FMN1: variants seen among roughly 807,000 people sequenced by gnomAD.
FMN1 encodes formin-1.
FMN1 carries 110 observed loss-of-function variants against 132.4 expected under a neutral mutation model. The observed-to-expected ratio is 0.83, with a 90% CI of 0.71 to 0.97. FMN1 has a LOEUF of 0.97. FMN1 is among the 50% of genes least tolerant of loss of function. The probability of loss-of-function intolerance (pLI) is 0.00; values close to 1 mark genes in which losing one functional copy is unlikely to be tolerated. For synonymous variants in FMN1, 722 were observed against 651.7 expected (o/e 1.11, Z -1.64); for missense variants, 1,792 against 1,705.3 (o/e 1.05, Z -0.90).
intron 6 of FMN1, among the ~76,000 whole-genome samples, chr15:33,020,386 G>A (rs966663362): frequency 1.4e-5 from 2 of 145,626 alleles, no homozygotes; most frequent in African/African-American, 5.0e-5. Context: ...GGTGGCTCAT[G>A]CCTGTAATCC....
At chr15:32,967,577 T>C (rs2031360773) in intron 8 of FMN1, among the ~76,000 whole-genome samples, 1 of 152,228 alleles carries the variant, frequency 6.6e-6, no homozygotes, top group Non-Finnish European at 1.5e-5. Context: ...TCATCTCACT[T>C]TTTTATGAAC....
chr15:33,117,824 A>C (rs1394272523), intron 4 of FMN1, among the ~76,000 whole-genome samples: 1 of 152,226 alleles, frequency 6.6e-6, no homozygotes, highest in Non-Finnish European at 1.5e-5. Flanking sequence ...AAGCATACTC[A>C]GGACCATGTA....
chr15:32,767,585 A>G lies in FMN1; in HGVS notation c.*6725T>C, dbSNP rs924984967. On this transcript the variant is annotated 3_prime_UTR_variant, in exon 21 of 21. Transcript: ENST00000616417. Reference sequence around the variant, plus strand: ...CTCTAAAGATTCTTAAAAATTATCCAATTTCTAATTTTAAAAGTTTCTGCC... The same window carrying G: ...CTCTAAAGATTCTTAAAAATTATCCGATTTCTAATTTTAAAAGTTTCTGCC... 6.6e-6 allele frequency: 1 copy of G among 152,180 alleles called. No individual in the cohort carries two copies. Among genetic ancestry groups the G allele is most frequent in the African/African-American group, 2.4e-5 (1 of 41,430 alleles). 9.4% of individuals were successfully genotyped at this position (152,180 alleles called of 1,614,324 possible).
At chr15:33,176,766 C>T (rs1046004250) in intron 3 of FMN1, among the ~76,000 whole-genome samples, 3 of 152,172 alleles carry the variant, frequency 2.0e-5, no homozygotes, top group Non-Finnish European at 4.4e-5. Context: ...TTATCATTTT[C>T]AGGGTCACCC....
intron 10 of FMN1, among the ~76,000 whole-genome samples, chr15:32,916,333 A>ACCATGC (rs1347883667): frequency 6.6e-6 from 1 of 152,212 alleles, no homozygotes; most frequent in African/African-American, 2.4e-5. Flanking sequence ...CTCCAAGTGT[A>ACCATGC]CCATGCCCAT....
At chr15:33,160,385 G>T (rs913983768) in intron 3 of FMN1, among the ~76,000 whole-genome samples, 1 of 152,172 alleles carries the variant, frequency 6.6e-6, no homozygotes. Context: ...TCTTCCCTGA[G>T]CAAATGAACT....
intron 9 of FMN1, among the ~76,000 whole-genome samples, chr15:32,953,323 A>G (rs192755135): frequency 4.3e-4 from 65 of 152,266 alleles, no homozygotes; most frequent in African/African-American, 1.5e-3. Context: ...TTGCTGCCCT[A>G]ATCAGATCAA....
Position 33,154,832 on chromosome 15 carries a change from T to C in FMN1, c.83A>G (p.Glu28Gly), listed in dbSNP as rs1964607698. The C allele has an allele frequency of 6.5e-7, 1 of 1,536,050 alleles. No homozygotes were observed. The highest frequency in any genetic ancestry group is 1.2e-5 in the South Asian group (1 of 84,066). The change falls in exon 4 of 21, where the codon GAA becomes GGA. Residue 28 changes from glutamate (E) to glycine (G), a missense_variant. By Grantham distance (98) the Glu-to-Gly change is moderately conservative. Transcript: ENST00000616417. ...CYISFCLPKG[E>G]VRGFSYKGTV... ...GCCCTTGTATGAAAATCCTCTGACT[T>C]CCCCCTTTGGAAGACAGAAGCTGAT...
chr15:33,041,469 T>A (rs370069846), intron 6 of FMN1, among the ~76,000 whole-genome samples: 5 of 123,528 alleles, frequency 4.0e-5, no homozygotes, highest in Non-Finnish European at 6.6e-5. Flanking sequence ...TCCTCACCAG[T>A]AAACAAAAAA....
chr15:32,863,548 G>A (rs1434145635), intron 16 of FMN1, among the ~76,000 whole-genome samples: 2 of 152,178 alleles, frequency 1.3e-5, no homozygotes, highest in Non-Finnish European at 2.9e-5. Flanking sequence ...ATCAGCAAAA[G>A]AAACAGACTA....
chr15:33,039,325 G>C (rs542672217), intron 6 of FMN1, among the ~76,000 whole-genome samples: 4 of 151,140 alleles, frequency 2.6e-5, no homozygotes, highest in African/African-American at 7.3e-5. Context: ...TGGCTAGATT[G>C]GAGCAGTCAA....
chr15:33,155,010 A>G lies in FMN1; in HGVS notation c.-96T>C. 1 of 975,432 alleles carries G rather than the reference A, an allele frequency of 1.0e-6. No homozygotes were observed. The highest frequency in any genetic ancestry group is 1.6e-5 in the African/African-American group (1 of 60,930). 60.4% of individuals were successfully genotyped at this position (975,432 alleles called of 1,614,324 possible). On this transcript the variant is annotated 5_prime_UTR_variant, in exon 4 of 21. Coordinates refer to ENST00000616417, the MANE Select transcript of FMN1 (RefSeq NM_001277313.2). ...GGCATGTGATGGTGGCTATGCAGAG[A>G]AAGCAGCTGACAGTCATCTCCAGCA... is the stretch of plus-strand genomic sequence containing the variant.
chr15:32,766,709 C>CCCT lies in FMN1; in HGVS notation c.*7600_*7601insAGG, dbSNP rs2056060428. The CCCT allele has an allele frequency of 6.6e-6, 1 of 151,958 alleles. No homozygotes were observed. Among genetic ancestry groups the CCCT allele is most frequent in the Non-Finnish European group, 1.5e-5 (1 of 68,058 alleles). 9.4% of individuals were successfully genotyped at this position (151,958 alleles called of 1,614,324 possible). On this transcript the variant is annotated 3_prime_UTR_variant, in exon 21 of 21. Transcript: ENST00000616417. The stretch of plus-strand genomic sequence containing the variant: ...GTGACAGCGGAGCTCCCTGTCCAAA[C>CCCT]GGCTGAGGAACGGAGCACAGGGTGT...
intron 19 of FMN1, among the ~76,000 whole-genome samples, chr15:32,797,298 T>TA (rs1361735298): frequency 2.6e-5 from 4 of 152,198 alleles, no homozygotes; most frequent in Non-Finnish European, 5.9e-5. Flanking sequence ...ACAAATATAC[T>TA]AAGGACTGTG....
chr15:33,104,320 T>C lies in FMN1; in HGVS notation c.1868-15346A>G, dbSNP rs541734492. On this transcript the variant is annotated intron_variant, in intron 4 of 20. Transcript: ENST00000616417. ...TTTTTACTTTGGGCTTAAATTTTAC[T>C]TATAAATATGTAAGTGGACTTTCTT... 9.2e-5 allele frequency among the ~76,000 whole-genome samples: 14 copies of C among 152,298 alleles called. No individual in the cohort carries two copies. In the South Asian group the frequency reaches 2.7e-3, roughly 29 times the overall value.
intron 9 of FMN1, among the ~76,000 whole-genome samples, chr15:32,932,421 A>T (rs2061145071): frequency 1.3e-5 from 2 of 152,154 alleles, no homozygotes; most frequent in Admixed American, 1.3e-4. Context: ...TTTGTTGAGA[A>T]TTTTAACATC....
intron 10 of FMN1, among the ~76,000 whole-genome samples, chr15:32,921,724 T>A (rs975557353): frequency 2.0e-5 from 3 of 150,552 alleles, no homozygotes; most frequent in African/African-American, 7.3e-5. Flanking sequence ...TTGCCCAGGC[T>A]GGAGTACAGT....
intron 17 of FMN1, among the ~76,000 whole-genome samples, chr15:32,833,253 T>C (rs374023238): frequency 1.5e-3 from 231 of 152,216 alleles, no homozygotes; most frequent in African/African-American, 5.4e-3. Flanking sequence ...AAATACGTAA[T>C]GGGAGGTGGG....
chr15:32,835,373 C>T lies in FMN1; in HGVS notation c.3928+21642G>A, dbSNP rs1032207947. On this transcript the variant is annotated intron_variant, in intron 17 of 20. Coordinates refer to ENST00000616417, the MANE Select transcript of FMN1 (RefSeq NM_001277313.2). Reference sequence around the variant, plus strand: ...CTCTTCCAAAGTGAAATATCTTTTTCTTCCTGGCTTAGACCACCAACCAGG... The same window carrying T: ...CTCTTCCAAAGTGAAATATCTTTTTTTTCCTGGCTTAGACCACCAACCAGG... Among the ~76,000 whole-genome samples, 3 of 152,288 alleles carry T rather than the reference C, an allele frequency of 2.0e-5. No homozygotes were observed. The East Asian group carries it at 5.8e-4, about 29-fold the overall frequency.
Sources: gnomAD v4.1 joint callset for allele counts (sites outside exome capture counted in the v4.1 genomes callset) on GRCh38, gnomAD v4.1.1 for gene constraint, MANE v1.5 for transcripts, NCBI Gene and HGNC (gene_info 2026-07-23, HGNC 2026-07-21) for gene names.